LIMCH1: variants seen among roughly 807,000 people sequenced by gnomAD.
LIMCH1 encodes LIM and calponin homology domains-containing protein 1.
In LIMCH1, 113 loss-of-function variants were observed where a neutral mutation model predicts 176.5. That is an observed-to-expected ratio of 0.64 (90% confidence interval 0.55 to 0.75). LIMCH1 has a LOEUF of 0.75. LIMCH1 is among the 30% of genes least tolerant of loss of function. LIMCH1 has a pLI of 0.00. For synonymous variants in LIMCH1, 619 were observed against 645.9 expected (o/e 0.96, Z 0.63); for missense variants, 1,674 against 1,814.9 (o/e 0.92, Z 1.41).
At chr4:41,656,652 A>G (rs1281086566) in intron 18 of LIMCH1, among the ~76,000 whole-genome samples, 2 of 152,180 alleles carry the variant, frequency 1.3e-5, no homozygotes, top group African/African-American at 4.8e-5. Context: ...AGAGAAACCC[A>G]TGCACAGCAT....
At chr4:41,491,547 T>C (rs1453385920) in intron 1 of LIMCH1, among the ~76,000 whole-genome samples, 28 of 102,890 alleles carry the variant, frequency 2.7e-4, no homozygotes, top group East Asian at 1.0e-3. Context: ...GGCGGCCGGG[T>C]AGAGGCGCTC....
At chr4:41,644,419 A>G (rs1291059552) in intron 14 of LIMCH1, 81 bp from the exon 15 acceptor site, 2 of 1,399,756 alleles carry the variant, frequency 1.4e-6, no homozygotes, top group Non-Finnish European at 1.9e-6. Context: ...TAGCGCCCCC[A>G]CGCGGCAGGA....
chr4:41,632,141 G>T (rs1182129056), intron 10 of LIMCH1, among the ~76,000 whole-genome samples: 13 of 152,150 alleles, frequency 8.5e-5, no homozygotes, highest in Admixed American at 7.9e-4. Context: ...CTCTTTTGGG[G>T]ATTTGGTTCT....
chr4:41,479,063 C>A (rs911828910), intron 1 of LIMCH1, among the ~76,000 whole-genome samples: 3 of 152,086 alleles, frequency 2.0e-5, no homozygotes, highest in African/African-American at 7.2e-5. Context: ...TTCAAAGAGA[C>A]CCATATACCC....
chr4:41,524,872 T>C (rs1283566811), intron 3 of LIMCH1, among the ~76,000 whole-genome samples: 11 of 152,202 alleles, frequency 7.2e-5, no homozygotes, highest in Non-Finnish European at 1.5e-4. Context: ...GAGAAAACAG[T>C]CGTTTTATAA....
chr4:41,423,513 T>C (rs2060805465), intron 1 of LIMCH1, among the ~76,000 whole-genome samples: 1 of 148,620 alleles, frequency 6.7e-6, no homozygotes, highest in Admixed American at 6.7e-5. Context: ...AGAGTGGAAA[T>C]GGGAGGGGAG....
chr4:41,618,667 T>C (rs1239910164), intron 5 of LIMCH1, among the ~76,000 whole-genome samples: 4 of 152,216 alleles, frequency 2.6e-5, no homozygotes, highest in Non-Finnish European at 5.9e-5. Flanking sequence ...ATAATCCGAA[T>C]TGATCACTTT....
chr4:41,507,947 G>A (rs1465765892), intron 2 of LIMCH1, among the ~76,000 whole-genome samples: 2 of 152,148 alleles, frequency 1.3e-5, no homozygotes, highest in Non-Finnish European at 2.9e-5. Context: ...GCACATTTAG[G>A]TGGAGACCTG....
intron 1 of LIMCH1, among the ~76,000 whole-genome samples, chr4:41,549,147 C>G (rs1189739171): frequency 2.0e-5 from 3 of 152,040 alleles, no homozygotes; most frequent in Non-Finnish European, 2.9e-5. Context: ...GCCTTGGCCT[C>G]CCAAAGTGCT....
intron 1 of LIMCH1, among the ~76,000 whole-genome samples, chr4:41,568,086 G>C (rs1487588533): frequency 6.6e-6 from 1 of 152,218 alleles, no homozygotes; most frequent in African/African-American, 2.4e-5. Flanking sequence ...CCAGGAGACA[G>C]ATGTTGTAGT....
intron 1 of LIMCH1, among the ~76,000 whole-genome samples, chr4:41,435,181 T>C (rs1424892353): frequency 6.6e-6 from 1 of 152,182 alleles, no homozygotes; most frequent in African/African-American, 2.4e-5. Flanking sequence ...TTATCCAATG[T>C]TATCCCAGTG....
intron 15 of LIMCH1, among the ~76,000 whole-genome samples, 194 bp downstream of exon 15, chr4:41,644,820 A>G (rs1443766612): frequency 2.6e-5 from 4 of 152,168 alleles, no homozygotes; most frequent in Non-Finnish European, 4.4e-5. Flanking sequence ...TGGCCCAGAC[A>G]TGTAATCAGC....
intron 1 of LIMCH1, among the ~76,000 whole-genome samples, chr4:41,369,539 A>G (rs902134340): frequency 2.6e-5 from 4 of 152,206 alleles, no homozygotes; most frequent in African/African-American, 4.8e-5. Context: ...CTTTCAAGAT[A>G]GAGCTTAAAC....
intron 18 of LIMCH1, among the ~76,000 whole-genome samples, chr4:41,654,329 C>T (rs989759839): frequency 3.3e-5 from 5 of 152,212 alleles, no homozygotes; most frequent in African/African-American, 7.2e-5. Flanking sequence ...CACGAGATCA[C>T]GAGGGTAAAC....
chr4:41,680,395 GAA>G (rs1207318498), intron 24 of LIMCH1, among the ~76,000 whole-genome samples: 2 of 152,166 alleles, frequency 1.3e-5, no homozygotes, highest in Non-Finnish European at 2.9e-5. Flanking sequence ...GAGGTGACAT[GAA>G]ATAATCAGTT....
rs1428492453 is a variant in LIMCH1 at position 41,375,715 on chromosome 4, G to A, written c.96+14779G>A. 2.0e-5 allele frequency among the ~76,000 whole-genome samples: 3 copies of A among 152,214 alleles called. No homozygotes were observed. In the East Asian group the frequency reaches 5.8e-4, roughly 29 times the overall value. On this transcript the variant is annotated intron_variant, in intron 1 of 26. Coordinates refer to the LIMCH1 transcript ENST00000313860. ...AGGCATGTGGGGCTTTTCTAAAAGT[G>A]GATACAGCGGCTGTCGCCCACTGAT...
chr4:41,518,555 C>A (rs2075817302), intron 2 of LIMCH1, among the ~76,000 whole-genome samples: 1 of 152,140 alleles, frequency 6.6e-6, no homozygotes, highest in African/African-American at 2.4e-5. Context: ...CTGGGTGTCT[C>A]AACAATTGTT....
At chr4:41,556,969 T>C (rs1295415829) in intron 1 of LIMCH1, among the ~76,000 whole-genome samples, 2 of 152,198 alleles carry the variant, frequency 1.3e-5, no homozygotes, top group Non-Finnish European at 2.9e-5. Context: ...TAGAGCTCTT[T>C]ATATAGCCTA....
At chr4:41,484,822 T>C (rs914556333) in intron 1 of LIMCH1, among the ~76,000 whole-genome samples, 2 of 152,204 alleles carry the variant, frequency 1.3e-5, no homozygotes, top group African/African-American at 4.8e-5. Context: ...ATAATAGGGT[T>C]TGTCAACATT....
Sources: gnomAD v4.1 joint callset for allele counts (sites outside exome capture counted in the v4.1 genomes callset) on GRCh38, gnomAD v4.1.1 for gene constraint, MANE v1.5 for transcripts, NCBI Gene and HGNC (gene_info 2026-07-23, HGNC 2026-07-21) for gene names.